RANBP2: variants seen among roughly 807,000 people sequenced by gnomAD.
RANBP2 encodes RAN binding protein 2, also known as E3 SUMO-protein ligase RanBP2.
In RANBP2, 57 loss-of-function variants were observed where a neutral mutation model predicts 303.6. The ratio of observed to expected loss-of-function variants is 0.19; its 90% CI spans 0.15 to 0.23. The LOEUF (loss-of-function observed/expected upper bound fraction) is 0.23. RANBP2 is among the 10% of genes least tolerant of loss of function. The pLI, the probability that RANBP2 is intolerant of heterozygous loss-of-function variation, is 1.00. For missense variants in RANBP2, 3,138 were observed against 3,780.8 expected (o/e 0.83, Z 4.46); for synonymous variants, 1,167 against 1,301.5 (o/e 0.90, Z 2.23).
the RANBP2 span, among the ~76,000 whole-genome samples, chr2:109,602,647 C>T: frequency 6.7e-6 from 1 of 149,656 alleles, no homozygotes; most frequent in Non-Finnish European, 1.5e-5. Context: ...TGCACTCCAG[C>T]CTGGGCAACA....
At chr2:109,454,875 C>CAGT in the RANBP2 span, among the ~76,000 whole-genome samples, 1 of 151,678 alleles carries the variant, frequency 6.6e-6, no homozygotes, top group Non-Finnish European at 1.5e-5. Flanking sequence ...AAACTGCTGC[C>CAGT]AGTAAGTTTT....
At chr2:109,621,138 T>C in the RANBP2 span, among the ~76,000 whole-genome samples, 1 of 152,086 alleles carries the variant, frequency 6.6e-6, no homozygotes, top group African/African-American at 2.4e-5. Flanking sequence ...TAGAATCATA[T>C]AAGTTGTTGG....
At chr2:108,832,671 T>C in the RANBP2 span, among the ~76,000 whole-genome samples, 1 of 152,200 alleles carries the variant, frequency 6.6e-6, no homozygotes, top group African/African-American at 2.4e-5. Flanking sequence ...GTAAATTATA[T>C]CCTAAGATAA....
At chr2:109,657,588 A>G in the RANBP2 span, among the ~76,000 whole-genome samples, 1 of 152,196 alleles carries the variant, frequency 6.6e-6, no homozygotes, top group East Asian at 1.9e-4. Flanking sequence ...TGAAGTTTAA[A>G]TTGGCTATAA....
the RANBP2 span, among the ~76,000 whole-genome samples, chr2:109,261,030 C>T: frequency 6.6e-6 from 1 of 152,164 alleles, no homozygotes; most frequent in East Asian, 1.9e-4. Context: ...GGCACTGTGT[C>T]TGCAGGAAGG....
At chr2:108,818,965 T>G in the RANBP2 span, among the ~76,000 whole-genome samples, 1 of 152,146 alleles carries the variant, frequency 6.6e-6, no homozygotes, top group Non-Finnish European at 1.5e-5. Context: ...TTCAGTAACA[T>G]AAGGGTGGAA....
the RANBP2 span, among the ~76,000 whole-genome samples, chr2:109,524,825 C>G: frequency 2.6e-5 from 4 of 151,806 alleles, no homozygotes; most frequent in African/African-American, 9.7e-5. Context: ...TTAAGGGTTT[C>G]TAAATGAGAA....
the RANBP2 span, among the ~76,000 whole-genome samples, chr2:108,866,855 C>T: frequency 1.3e-5 from 2 of 151,548 alleles, no homozygotes; most frequent in East Asian, 3.9e-4. Context: ...GGCACTCCAG[C>T]CTGGGCGACA....
the RANBP2 span, among the ~76,000 whole-genome samples, chr2:109,265,565 G>A: frequency 2.6e-5 from 4 of 152,206 alleles, no homozygotes; most frequent in African/African-American, 9.6e-5. Context: ...TCTCCTTCAG[G>A]GCAGGTGTGG....
At chr2:108,724,344 G>A (rs1172885724) in intron 1 of RANBP2, among the ~76,000 whole-genome samples, 2 of 152,144 alleles carry the variant, frequency 1.3e-5, no homozygotes, top group African/African-American at 2.4e-5. Flanking sequence ...TCTATTTTTA[G>A]TAGAGATGGG....
the RANBP2 span, among the ~76,000 whole-genome samples, chr2:109,431,452 A>G: frequency 6.6e-6 from 1 of 152,206 alleles, no homozygotes; most frequent in African/African-American, 2.4e-5. Flanking sequence ...AGTATTATCC[A>G]ATCTTTACAA....
chr2:109,409,163 G>T, the RANBP2 span, among the ~76,000 whole-genome samples: 1 of 152,118 alleles, frequency 6.6e-6, no homozygotes, highest in Non-Finnish European at 1.5e-5. Context: ...TAGTAATATT[G>T]TGGGAATTCC....
chr2:109,036,975 C>T, the RANBP2 span, among the ~76,000 whole-genome samples: 2 of 152,080 alleles, frequency 1.3e-5, no homozygotes, highest in Non-Finnish European at 2.9e-5. Flanking sequence ...GAGACCTCGT[C>T]TCTAACAAAC....
chr2:109,502,222 C>A, the RANBP2 span: 2 of 152,262 alleles, frequency 1.3e-5, no homozygotes, highest in Non-Finnish European at 2.9e-5. Context: ...CACCCCACCG[C>A]CCCTGTTGGG....
At chr2:109,577,693 G>C in the RANBP2 span, among the ~76,000 whole-genome samples, 5 of 151,374 alleles carry the variant, frequency 3.3e-5, no homozygotes, top group Non-Finnish European at 5.9e-5. Flanking sequence ...TGAGAAGATC[G>C]CTTGAGGCCA....
At chr2:108,761,226 C>A (rs1676709335) in intron 18 of RANBP2, among the ~76,000 whole-genome samples, 1 of 148,288 alleles carries the variant, frequency 6.7e-6, no homozygotes, top group Admixed American at 6.8e-5. Context: ...TGCCTGCTTC[C>A]TCCCCATAGT....
chr2:108,794,026 A>G, the RANBP2 span, among the ~76,000 whole-genome samples: 2 of 152,314 alleles, frequency 1.3e-5, no homozygotes, highest in Non-Finnish European at 2.9e-5. Context: ...GCAAAATAGG[A>G]TATACAGTGA....
At chr2:109,712,703 A>G in the RANBP2 span, among the ~76,000 whole-genome samples, 1 of 152,210 alleles carries the variant, frequency 6.6e-6, no homozygotes, top group African/African-American at 2.4e-5. Context: ...AAGTGCTGGG[A>G]TTACAGGTGT....
At chr2:109,055,911 C>G in the RANBP2 span, among the ~76,000 whole-genome samples, 1 of 151,536 alleles carries the variant, frequency 6.6e-6, no homozygotes, top group African/African-American at 2.4e-5. Flanking sequence ...AGGTACCCCC[C>G]AGCACGCCCA....
Sources: allele counts gnomAD v4.1 joint callset (sites outside exome capture counted in the v4.1 genomes callset), GRCh38; gene constraint gnomAD v4.1.1; transcripts MANE v1.5; gene names NCBI Gene and HGNC (gene_info 2026-07-23, HGNC 2026-07-21).